Variants in ERMP1 observed in about 807,000 individuals in gnomAD.
ERMP1 encodes the protein endoplasmic reticulum metallopeptidase 1, also known as Felix-ina.
A neutral mutation model predicts 92.0 loss-of-function variants in ERMP1; 86 were observed. That is an observed-to-expected ratio of 0.93 (90% CI 0.79 to 1.12). ERMP1 has a LOEUF of 1.12. ERMP1 is among the 50% of genes most tolerant of loss of function. The pLI is 0.00. For missense variants in ERMP1, 1,342 were observed against 1,116.3 expected, an observed-to-expected ratio of 1.20 and a Z score of -2.88; for synonymous variants, 530 against 412.8, an observed-to-expected ratio of 1.28 and a Z score of -3.44.
chr9:5,846,372 C>T (rs1310578679), intron 6 of ERMP1, among the ~76,000 whole-genome samples: 1 of 152,170 alleles, frequency 6.6e-6, no homozygotes, highest in Non-Finnish European at 1.5e-5. Context: ...GCTGTGTGAC[C>T]TTAAGGAAGT....
At chr9:5,848,003 C>G (rs1322286191) in intron 6 of ERMP1, among the ~76,000 whole-genome samples, 1 of 151,398 alleles carries the variant, frequency 6.6e-6, no homozygotes, top group Non-Finnish European at 1.5e-5. Context: ...CAATGGAAAA[C>G]TGAGGCTTAG....
In ERMP1 at chr9:5,832,787, G is replaced by A. The variant is rs780516389; in HGVS notation, c.241C>T (p.Leu81=). 235 of 1,502,050 alleles carry A rather than the reference G, an allele frequency of 1.6e-4. No homozygotes were observed. Among genetic ancestry groups the A allele is most frequent in the Non-Finnish European group, 1.9e-4 (216 of 1,133,692 alleles). 93.0% of individuals were successfully genotyped at this position (1,502,050 alleles called of 1,614,324 possible). A position where few individuals can be genotyped will look rare whatever the true frequency, so the allele number is the denominator to read the frequency against. ...VRAALGLALY[L]IALRTLVQLS... ...TGCACCAGCGTCCGCAGCGCGATCA[G>A]GTAGAGCGCGAGCCCCAGCGCGGCG... The change falls in exon 1 of 15, where the codon CTG becomes TTG. Residue 81 remains leucine (L), a synonymous_variant. Transcript: ENST00000339450.
intron 4 of ERMP1, among the ~76,000 whole-genome samples, chr9:5,819,711 CCTCT>C (rs912616378): frequency 2.6e-5 from 4 of 152,286 alleles, no homozygotes; most frequent in Non-Finnish European, 4.4e-5. Flanking sequence ...TGAGAGTCTC[CCTCT>C]GTTATTTAGA....
rs2129662691 is a variant in ERMP1 at position 5,826,803 on chromosome 9, GT to G, written c.641-1585del. On this transcript the variant is annotated intron_variant, in intron 2 of 14. Coordinates refer to ENST00000339450, the MANE Select transcript of ERMP1 (RefSeq NM_024896.3). Reference sequence around the variant, plus strand: ...TAAAATAGAGAGCAAACAATAAAATGTTTCTTTATTCAAAAAGAGAGAAAGG... The same window carrying G: ...TAAAATAGAGAGCAAACAATAAAATGTTCTTTATTCAAAAAGAGAGAAAGG... 1.3e-5 allele frequency among the ~76,000 whole-genome samples: 2 copies of G among 152,164 alleles called. 1 individual carries two copies. The highest frequency in any genetic ancestry group is 4.1e-4 in the South Asian group (2 of 4,820).
chr9:5,832,628 C>A, intron 1 of ERMP1, 62 bp downstream of exon 1: 3 of 1,283,444 alleles, frequency 2.3e-6, no homozygotes, highest in Non-Finnish European at 3.0e-6. Flanking sequence ...TGCGGTGCCC[C>A]GGAGCCTGCG....
At chr9:5,796,556 G>A (rs10975286) in intron 13 of ERMP1, among the ~76,000 whole-genome samples, 41,481 of 151,978 alleles carry the variant, frequency 0.27, 6,825 homozygotes, top group East Asian at 0.59. Flanking sequence ...AAAAGAAATG[G>A]CCTATCAAGT....
chr9:5,813,417 C>T (rs1586799652), intron 4 of ERMP1, among the ~76,000 whole-genome samples: 1 of 152,076 alleles, frequency 6.6e-6, no homozygotes, highest in Non-Finnish European at 1.5e-5. Context: ...TTTCACTTAA[C>T]ATTATATTAA....
chr9:5,833,089 A>ACGCCGCCGACGCCGCCGT lies in ERMP1; in HGVS notation c.-63_-62insACGGCGGCGTCGGCGGCG. The ACGCCGCCGACGCCGCCGT allele has an allele frequency of 2.2e-6, 3 of 1,352,446 alleles. No individual in the cohort carries two copies. Among genetic ancestry groups the ACGCCGCCGACGCCGCCGT allele is most frequent in the Non-Finnish European group, 2.9e-6 (3 of 1,047,414 alleles). 83.8% of individuals were successfully genotyped at this position (1,352,446 alleles called of 1,614,324 possible). On this transcript the variant is annotated 5_prime_UTR_variant, in exon 1 of 15. Transcript: ENST00000339450. ...CCCGCGACAGCCCCGGCCGCCGCCG[A>ACGCCGCCGACGCCGCCGT]CGCCGCCGTCGCTGCCGCAGCGCCT...
chr9:5,801,424 C>A (rs1372235125), intron 10 of ERMP1, 96 bp from the exon 11 acceptor site: 29 of 1,223,946 alleles, frequency 2.4e-5, no homozygotes, highest in Non-Finnish European at 3.2e-5. Context: ...TATTACCTAA[C>A]AGCCCCTGAA....
chr9:5,798,108 A>G (rs553027236), intron 12 of ERMP1, among the ~76,000 whole-genome samples, 176 bp from the exon 13 acceptor site: 5 of 152,330 alleles, frequency 3.3e-5, no homozygotes, highest in East Asian at 1.9e-4. Context: ...AACCTTCCCA[A>G]TGTTAAGAAC....
exon 6 of ERMP1, among the ~76,000 whole-genome samples, chr9:5,859,483 G>A (rs1007968624): frequency 9.9e-5 from 15 of 152,206 alleles, no homozygotes; most frequent in African/African-American, 3.4e-4. Flanking sequence ...GACAAAACAA[G>A]AAAGACTCTC....
chr9:5,787,570 CATAGAAGGA>C lies in ERMP1; in HGVS notation c.2401_2409del (p.Ser801_Tyr803del). On this transcript the variant is annotated inframe_deletion, in exon 14 of 15. Transcript: ENST00000339450. ...AGTGTTGACCCTTTGTGGGCTCGAACATAGAAGGACATATGGCTTGGTCCTGTAAGGTAA... is the reference window on the plus strand; with the variant it reads ...AGTGTTGACCCTTTGTGGGCTCGAACCATATGGCTTGGTCCTGTAAGGTAA... 6.2e-7 allele frequency: 1 copy of C among 1,613,312 alleles called. No individual in the cohort carries two copies. The highest frequency in any genetic ancestry group is 1.1e-5 in the South Asian group (1 of 91,026).
At chr9:5,810,695 C>T (rs756915262) in intron 7 of ERMP1, among the ~76,000 whole-genome samples, 1 of 151,990 alleles carries the variant, frequency 6.6e-6, no homozygotes, top group Non-Finnish European at 1.5e-5. Context: ...CTCGTAACAG[C>T]ACACAACAAC....
chr9:5,828,786 A>AC (rs1437711014), intron 2 of ERMP1, among the ~76,000 whole-genome samples: 2 of 152,136 alleles, frequency 1.3e-5, no homozygotes, highest in Non-Finnish European at 2.9e-5. Context: ...TAGAGGGGAA[A>AC]CTTTTTTCTT....
intron 13 of ERMP1, among the ~76,000 whole-genome samples, chr9:5,796,501 T>C (rs946614631): frequency 6.6e-6 from 1 of 151,924 alleles, no homozygotes; most frequent in Non-Finnish European, 1.5e-5. Context: ...CTTATTCAAA[T>C]ATGGATAACT....
At chr9:5,860,305 G>C (rs530994640) in intron 5 of ERMP1, among the ~76,000 whole-genome samples, 1 of 149,904 alleles carries the variant, frequency 6.7e-6, no homozygotes, top group Admixed American at 6.7e-5. Context: ...AAAAAAAAAA[G>C]AAGGAAGGAA....
intron 1 of ERMP1, among the ~76,000 whole-genome samples, chr9:5,831,548 C>T (rs1829939807): frequency 6.6e-6 from 1 of 152,108 alleles, no homozygotes; most frequent in African/African-American, 2.4e-5. Flanking sequence ...GTGGAGGCTA[C>T]AGACCCGAGA....
chr9:5,818,175 C>T (rs1829393994), intron 4 of ERMP1, among the ~76,000 whole-genome samples: 2 of 149,412 alleles, frequency 1.3e-5, no homozygotes, highest in African/African-American at 4.9e-5. Flanking sequence ...AAAAAAAAAG[C>T]AGTTATTCAA....
Position 5,833,084 on chromosome 9 carries a change from C to T in ERMP1, c.-57G>A. On this transcript the variant is annotated 5_prime_UTR_variant, in exon 1 of 15. Coordinates refer to ENST00000339450, the MANE Select transcript of ERMP1 (RefSeq NM_024896.3). ...CCCAACCCGCGACAGCCCCGGCCGC[C>T]GCCGACGCCGCCGTCGCTGCCGCAG... is the stretch of plus-strand genomic sequence containing the variant. The T allele has an allele frequency of 7.4e-7, 1 of 1,352,806 alleles. No individual in the cohort carries two copies. The highest frequency in any genetic ancestry group is 9.5e-7 in the Non-Finnish European group (1 of 1,047,812). The allele number at this position is 1,352,806 out of a possible 1,614,324, so 83.8% of individuals were successfully genotyped here.
Sources: allele counts gnomAD v4.1 joint callset (sites outside exome capture counted in the v4.1 genomes callset), GRCh38; gene constraint gnomAD v4.1.1; transcripts MANE v1.5; gene names NCBI Gene and HGNC (gene_info 2026-07-23, HGNC 2026-07-21).